Variants in CRACR2A observed in about 807,000 individuals in gnomAD.
The protein encoded by CRACR2A is calcium release activated channel regulator 2A, also known as EF-hand calcium-binding domain-containing protein 4B.
In CRACR2A, 79 loss-of-function variants were observed where a neutral mutation model predicts 90.5. The ratio of observed to expected loss-of-function variants is 0.87; its 90% CI spans 0.73 to 1.05. CRACR2A has a LOEUF of 1.05. CRACR2A is among the 50% of genes least tolerant of loss of function. The pLI, the probability that CRACR2A is intolerant of heterozygous loss-of-function variation, is 0.00. For synonymous variants in CRACR2A, 338 were observed against 356.7 expected (o/e 0.95, Z 0.59); for missense variants, 823 against 897.2 (o/e 0.92, Z 1.06).
intron 2 of CRACR2A, among the ~76,000 whole-genome samples, chr12:3,720,439 GAAAGAAAGAAAGAAAGAAAGAA>G (rs1946149995): frequency 8.6e-6 from 1 of 115,956 alleles, no homozygotes; most frequent in South Asian, 2.6e-4. Context: ...AAGAAAGAAA[GAAAGAAAGAAAGAAAGAAAGAA>G]AGAAAGCAAA....
At chr12:3,638,587 G>T in intron 13 of CRACR2A, 133 bp from the exon 14 acceptor site, 1 of 1,051,040 alleles carries the variant, frequency 9.5e-7, no homozygotes, top group Non-Finnish European at 1.3e-6. Flanking sequence ...TCCGGGAGAG[G>T]GAAAAACAAA....
chr12:3,649,483 T>TA (rs1307440773), intron 10 of CRACR2A, among the ~76,000 whole-genome samples: 4 of 152,174 alleles, frequency 2.6e-5, no homozygotes, highest in Non-Finnish European at 5.9e-5. Context: ...AGTCTCCAGA[T>TA]ATCTGGGCTT....
At position 3,662,748 on chromosome 12, in the gene CRACR2A, C is replaced by T. The variant is rs541027482; in HGVS notation, c.672-3094G>A. Among the ~76,000 whole-genome samples the T allele has an allele frequency of 3.3e-5, 5 of 152,344 alleles. No homozygotes were observed. In the South Asian group the frequency reaches 1.0e-3, roughly 32 times the overall value. On this transcript the variant is annotated intron_variant, in intron 7 of 19. Coordinates refer to ENST00000440314, the MANE Select transcript of CRACR2A (RefSeq NM_001144958.2). ...TGTGTGTGAGCAGGAGCTGCAGAGC[C>T]AGGAGCCTGTGTCTGCAGGAGCCCC...
intron 7 of CRACR2A, among the ~76,000 whole-genome samples, chr12:3,659,902 G>A (rs1322837601): frequency 6.6e-6 from 1 of 152,096 alleles, no homozygotes; most frequent in Non-Finnish European, 1.5e-5. Context: ...TCCTCCTTCT[G>A]TCCCCCAGCC....
intron 17 of CRACR2A, among the ~76,000 whole-genome samples, chr12:3,623,572 C>A (rs142332347): frequency 3.9e-5 from 6 of 152,274 alleles, no homozygotes; most frequent in African/African-American, 1.4e-4. Context: ...ACACGTGGGG[C>A]CTTAGAGCCT....
intron 4 of CRACR2A, among the ~76,000 whole-genome samples, chr12:3,694,033 G>A (rs1945696762): frequency 6.6e-6 from 1 of 152,286 alleles, no homozygotes; most frequent in Non-Finnish European, 1.5e-5. Context: ...CATTCCCCTG[G>A]AGTTGTTGGG....
rs1011406218 is a variant in CRACR2A at position 3,633,326 on chromosome 12, T to G, written c.1735+278A>C. 3.3e-5 allele frequency among the ~76,000 whole-genome samples: 5 copies of G among 151,940 alleles called. No homozygotes were observed. Among genetic ancestry groups the G allele is most frequent in the African/African-American group, 1.2e-4 (5 of 41,352 alleles). On this transcript the variant is annotated intron_variant, in intron 15 of 19. Coordinates refer to ENST00000440314, the MANE Select transcript of CRACR2A (RefSeq NM_001144958.2). This position sits in a 1 kb window ranked among gnomAD's most constrained non-coding sequence, Gnocchi z 4.5. ...AGGGGAAGGGGACCCAAATCTACCT[T>G]TACCAAATTTAGTTCCATAAACCCA...
chr12:3,677,940 C>T (rs1029392315), intron 6 of CRACR2A, among the ~76,000 whole-genome samples: 1 of 152,208 alleles, frequency 6.6e-6, no homozygotes, highest in African/African-American at 2.4e-5. Flanking sequence ...CACAGAGCTT[C>T]GGCCTGCAAA....
At chr12:3,723,611 C>T (rs1195750493) in intron 2 of CRACR2A, among the ~76,000 whole-genome samples, 1 of 152,054 alleles carries the variant, frequency 6.6e-6, no homozygotes. Context: ...CAACTCCAGC[C>T]ATGGTCCTCC....
chr12:3,618,576 C>T (rs977614210), intron 18 of CRACR2A, among the ~76,000 whole-genome samples: 4 of 152,168 alleles, frequency 2.6e-5, no homozygotes, highest in African/African-American at 7.2e-5. Context: ...GCTCGTTCTC[C>T]CAGGCTCTGA....
At chr12:3,710,078 G>A (rs1945985589) in intron 3 of CRACR2A, among the ~76,000 whole-genome samples, 1 of 152,174 alleles carries the variant, frequency 6.6e-6, no homozygotes, top group African/African-American at 2.4e-5. Flanking sequence ...AGGAAGACCT[G>A]TCTAAAATGC....
At chr12:3,630,469 T>A (rs1944359166) in intron 15 of CRACR2A, among the ~76,000 whole-genome samples, 1 of 152,172 alleles carries the variant, frequency 6.6e-6, no homozygotes, top group African/African-American at 2.4e-5. Flanking sequence ...GGACAGAACC[T>A]GGACCGGTGG....
At chr12:3,698,319 T>C (rs1421374176) in intron 3 of CRACR2A, among the ~76,000 whole-genome samples, 1 of 152,224 alleles carries the variant, frequency 6.6e-6, no homozygotes, top group Non-Finnish European at 1.5e-5. Flanking sequence ...CTCTGGATCA[T>C]ATTTCCTGTG....
chr12:3,718,283 G>A (rs1038466419), intron 2 of CRACR2A, among the ~76,000 whole-genome samples: 1 of 152,196 alleles, frequency 6.6e-6, no homozygotes, highest in African/African-American at 2.4e-5. Flanking sequence ...CCAGGGGCGT[G>A]GGCATCCTTC....
At chr12:3,631,854 C>T (rs1032693547) in intron 15 of CRACR2A, among the ~76,000 whole-genome samples, 11 of 152,214 alleles carry the variant, frequency 7.2e-5, no homozygotes, top group African/African-American at 2.7e-4. Flanking sequence ...AGGCAGGACT[C>T]TGGACCACTC....
At chr12:3,720,392 G>A (rs1946145028) in intron 2 of CRACR2A, among the ~76,000 whole-genome samples, 3 of 92,616 alleles carry the variant, frequency 3.2e-5, no homozygotes, top group South Asian at 8.3e-4. Flanking sequence ...AGGGGGAGGG[G>A]GGGAGGGACG....
chr12:3,725,152 A>G (rs555171417), intron 2 of CRACR2A, among the ~76,000 whole-genome samples: 1 of 152,194 alleles, frequency 6.6e-6, no homozygotes, highest in Admixed American at 6.5e-5. Flanking sequence ...GCTCTCCCAC[A>G]TCTCTTCCAT....
At chr12:3,657,628 G>A (rs1352715978) in intron 8 of CRACR2A, among the ~76,000 whole-genome samples, 1 of 152,206 alleles carries the variant, frequency 6.6e-6, no homozygotes, top group Non-Finnish European at 1.5e-5. Flanking sequence ...AATGGCAGAG[G>A]TACGATCTGA....
Position 3,696,755 on chromosome 12 carries a change from C to T in CRACR2A, c.228+17G>A, listed in dbSNP as rs761482747. 5 of 1,614,078 alleles carry T rather than the reference C, an allele frequency of 3.1e-6. No homozygotes were observed. Among genetic ancestry groups the T allele is most frequent in the Admixed American group, 1.7e-5 (1 of 60,024 alleles). On this transcript the variant is annotated intron_variant, in intron 4 of 19. Coordinates refer to ENST00000440314, the MANE Select transcript of CRACR2A (RefSeq NM_001144958.2). ...CTGGCATTCTCAGTGGGCAGGCCTA[C>T]CTGGGACCCCACTTACCTGCATATC...
Sources: gnomAD v4.1 joint callset for allele counts (sites outside exome capture counted in the v4.1 genomes callset) on GRCh38, gnomAD v4.1.1 for gene constraint, Gnocchi (gnomAD v3.1) non-coding constraint, MANE v1.5 for transcripts, NCBI Gene and HGNC (gene_info 2026-07-23, HGNC 2026-07-21) for gene names.